NPFFR2: variants seen among roughly 807,000 people sequenced by gnomAD.
NPFFR2 encodes the protein neuropeptide FF receptor 2.
A neutral mutation model predicts 13.1 loss-of-function variants in NPFFR2; 15 were observed. The observed-to-expected ratio is 1.15, with a 90% confidence interval of 0.77 to 1.76. The LOEUF is 1.76. Ranked by LOEUF, NPFFR2 falls within the 40% of genes most tolerant of loss-of-function variation. The probability of loss-of-function intolerance (pLI) is 0.00; values close to 1 mark genes in which losing one functional copy is unlikely to be tolerated. For missense variants in NPFFR2, 572 were observed against 503.5 expected (o/e 1.14, Z -1.30); for synonymous variants, 190 against 175.7 (o/e 1.08, Z -0.65).
intron 1 of NPFFR2, among the ~76,000 whole-genome samples, chr4:72,078,580 G>T (rs1720510019): frequency 6.6e-6 from 1 of 152,046 alleles, no homozygotes; most frequent in Admixed American, 6.6e-5. Flanking sequence ...ATGTAGAAAA[G>T]CACAGGACTA....
At position 72,128,643 on chromosome 4, in the gene NPFFR2, A is replaced by G. The variant is rs776682784; in HGVS notation, c.52A>G (p.Asn18Asp). ...TTCAGAAAACTGGCATCCCATCTGG[A>G]ATGTCAATGACACAAAGCATCATCT... ...NSSENWHPIW[N>D]VNDTKHHLYS... is the part of the protein sequence containing the mutation. Residue 18 changes from asparagine (N) to aspartate (D), a missense_variant, in exon 2 of 4, where the codon AAT becomes GAT. Transcript: ENST00000308744. 99 of 1,613,102 alleles carry G rather than the reference A, an allele frequency of 6.1e-5. No individual in the cohort carries two copies. Among genetic ancestry groups the G allele is most frequent in the Non-Finnish European group, 7.6e-5 (90 of 1,179,190 alleles).
chr4:72,094,584 C>G (rs1404048293), intron 1 of NPFFR2, among the ~76,000 whole-genome samples: 2 of 152,142 alleles, frequency 1.3e-5, no homozygotes, highest in East Asian at 3.9e-4. Context: ...CTGCCTCACA[C>G]AGGTTGCCAG....
At chr4:72,068,754 A>G (rs1720152797) in intron 1 of NPFFR2, among the ~76,000 whole-genome samples, 1 of 152,182 alleles carries the variant, frequency 6.6e-6, no homozygotes, top group Non-Finnish European at 1.5e-5. Flanking sequence ...GATTCAGGTG[A>G]GACCGCATAG....
chr4:72,089,154 C>T (rs941592240), intron 1 of NPFFR2, among the ~76,000 whole-genome samples: 1 of 152,054 alleles, frequency 6.6e-6, no homozygotes, highest in Non-Finnish European at 1.5e-5. Context: ...CTGCAAATAT[C>T]ATTATGTTGT....
At chr4:72,070,940 C>T (rs1305573079) in intron 1 of NPFFR2, among the ~76,000 whole-genome samples, 2 of 152,116 alleles carry the variant, frequency 1.3e-5, no homozygotes, top group African/African-American at 4.8e-5. Flanking sequence ...TCAGCCTTCA[C>T]CCTCTTGCCA....
intron 1 of NPFFR2, chr4:72,039,279 C>T (rs1193183857): frequency 8.4e-6 from 2 of 237,060 alleles, no homozygotes; most frequent in Non-Finnish European, 1.4e-5. Flanking sequence ...CAGATGGTCT[C>T]CATCTCCCGA....
chr4:72,063,071 T>G (rs184912146), intron 1 of NPFFR2, among the ~76,000 whole-genome samples: 1 of 152,342 alleles, frequency 6.6e-6, no homozygotes, highest in East Asian at 1.9e-4. Flanking sequence ...ATATTTAAAT[T>G]CAAAAAGTAT....
At chr4:72,137,995 T>A in intron 2 of NPFFR2, 45 bp from the exon 3 acceptor site, 1 of 1,433,760 alleles carries the variant, frequency 7.0e-7, no homozygotes, top group Non-Finnish European at 9.8e-7. Context: ...TCAGTGAGAT[T>A]TTGAAAATAT....
chr4:72,097,267 A>G (rs1721100804), intron 1 of NPFFR2, among the ~76,000 whole-genome samples: 1 of 152,124 alleles, frequency 6.6e-6, no homozygotes. Context: ...TATTGTCTTT[A>G]GAAAATGTGT....
chr4:72,143,694 C>A (rs1377183487), intron 3 of NPFFR2, among the ~76,000 whole-genome samples: 1 of 152,196 alleles, frequency 6.6e-6, no homozygotes, highest in Non-Finnish European at 1.5e-5. Flanking sequence ...CAGTGCTCTG[C>A]CAGATCTCTT....
chr4:72,049,316 C>T (rs1719473548), intron 1 of NPFFR2, among the ~76,000 whole-genome samples: 1 of 152,062 alleles, frequency 6.6e-6, no homozygotes, highest in Non-Finnish European at 1.5e-5. Flanking sequence ...GGTAAATCTA[C>T]AAAGGAGCAT....
At chr4:72,086,458 C>G (rs930679078) in intron 1 of NPFFR2, among the ~76,000 whole-genome samples, 2 of 151,984 alleles carry the variant, frequency 1.3e-5, no homozygotes, top group African/African-American at 4.8e-5. Flanking sequence ...CTATTTAGAA[C>G]CTCTTAGAAT....
intron 1 of NPFFR2, among the ~76,000 whole-genome samples, chr4:72,069,907 G>A (rs28642927): frequency 4.9e-3 from 738 of 152,090 alleles, no homozygotes; most frequent in Middle Eastern, 0.014. Context: ...AATAATAGCC[G>A]ACATTTATAA....
In NPFFR2 at chr4:72,144,534, A is replaced by G. The variant is rs549230493; in HGVS notation, c.429-2444A>G. ...AGCTTTTGCAGGAAGCCAAACTAAA[A>G]AAATTCCCAAGCTGATTTCTCCTGA... On this transcript the variant is annotated intron_variant, in intron 3 of 3. Coordinates refer to ENST00000308744, the MANE Select transcript of NPFFR2 (RefSeq NM_004885.3). Among the ~76,000 whole-genome samples, 32 of 152,294 alleles carry G rather than the reference A, an allele frequency of 2.1e-4. No homozygotes were observed. The South Asian group carries it at 4.6e-3, about 22-fold the overall frequency.
chr4:72,116,316 G>C (rs1235530581), intron 1 of NPFFR2, among the ~76,000 whole-genome samples: 2 of 151,988 alleles, frequency 1.3e-5, no homozygotes, highest in South Asian at 4.2e-4. Flanking sequence ...ACTATAATCT[G>C]CTTTCTTTCA....
In NPFFR2 at chr4:72,138,901, C is replaced by T. The variant is rs1165795724; in HGVS notation, c.428+762C>T. Among the ~76,000 whole-genome samples, 4 of 152,160 alleles carry T rather than the reference C, an allele frequency of 2.6e-5. No individual in the cohort carries two copies. The South Asian group carries it at 6.2e-4, about 24-fold the overall frequency. ...CAACAGTGTAAAAGTGTTCCAATTT[C>T]TGCACACCCTCTCCAGCATCTGTTG... On this transcript the variant is annotated intron_variant, in intron 3 of 3. Transcript: ENST00000308744.
intron 2 of NPFFR2, among the ~76,000 whole-genome samples, chr4:72,131,502 C>T (rs1327695526): frequency 4.7e-5 from 7 of 150,418 alleles, no homozygotes; most frequent in South Asian, 4.2e-4. Context: ...TGCTAGATGA[C>T]GAGTTAGTGG....
chr4:72,116,160 TTG>T (rs1321369304), intron 1 of NPFFR2, among the ~76,000 whole-genome samples: 1 of 152,176 alleles, frequency 6.6e-6, no homozygotes, highest in African/African-American at 2.4e-5. Flanking sequence ...ACTTTAATGT[TTG>T]TACTAAAGAA....
chr4:72,041,439 A>G (rs1387252149), intron 1 of NPFFR2, among the ~76,000 whole-genome samples: 1 of 152,164 alleles, frequency 6.6e-6, no homozygotes, highest in East Asian at 1.9e-4. Context: ...TATTATTGTG[A>G]ATAGTGCTGC....
Sources: gnomAD v4.1 joint callset for allele counts (sites outside exome capture counted in the v4.1 genomes callset) on GRCh38, gnomAD v4.1.1 for gene constraint, MANE v1.5 for transcripts, NCBI Gene and HGNC (gene_info 2026-07-23, HGNC 2026-07-21) for gene names.